WHRN: variants seen among roughly 807,000 people sequenced by gnomAD.
WHRN encodes the protein whirlin, also known as CASK-interacting protein CIP98.
WHRN carries 41 observed loss-of-function variants against 68.3 expected under a neutral mutation model. The observed-to-expected ratio is 0.60, with a 90% CI of 0.47 to 0.78. The LOEUF (loss-of-function observed/expected upper bound fraction) is 0.78. WHRN is among the 30% of genes least tolerant of loss of function. The pLI is 0.00. For synonymous variants in WHRN, 560 were observed against 561.3 expected, an observed-to-expected ratio of 1.00 and a Z score of 0.03; for missense variants, 1,243 against 1,244.7, an observed-to-expected ratio of 1.00 and a Z score of 0.02.
At chr9:114,412,097 T>C (rs1017566565) in intron 7 of WHRN, among the ~76,000 whole-genome samples, 1 of 152,088 alleles carries the variant, frequency 6.6e-6, no homozygotes, top group African/African-American at 2.4e-5. Context: ...CAGGGAGGCC[T>C]GAAGTGGAGC....
chr9:114,437,153 C>T (rs1214391036), intron 3 of WHRN, among the ~76,000 whole-genome samples: 1 of 151,992 alleles, frequency 6.6e-6, no homozygotes, highest in Non-Finnish European at 1.5e-5. Flanking sequence ...AAAGGTGGCA[C>T]TACAAATCAC....
At chr9:114,436,590 G>C (rs4436192) in intron 3 of WHRN, among the ~76,000 whole-genome samples, 28,603 of 152,046 alleles carry the variant, frequency 0.19, 3,202 homozygotes, top group Middle Eastern at 0.29. Flanking sequence ...GCACCTTGTG[G>C]GGCCGAGGTG....
At chr9:114,433,805 C>T (rs1837616772) in intron 3 of WHRN, among the ~76,000 whole-genome samples, 1 of 152,198 alleles carries the variant, frequency 6.6e-6, no homozygotes, top group South Asian at 2.1e-4. Context: ...AGAGCTCTCA[C>T]AAGGCAGAAC....
At position 114,470,126 on chromosome 9, in the gene WHRN, AG is replaced by A. The variant is rs1841082256; in HGVS notation, c.838-3735del. ...TATAAGGGTTCCACTCACAGGTTCC[AG>A]GGAGGAGGAGGTGGATACCTTCAGA... is the stretch of plus-strand genomic sequence containing the variant. On this transcript the variant is annotated intron_variant, in intron 2 of 11. Coordinates refer to ENST00000362057, the MANE Select transcript of WHRN (RefSeq NM_015404.4). Among the ~76,000 whole-genome samples, 6 of 152,314 alleles carry A rather than the reference AG, an allele frequency of 3.9e-5. No homozygotes were observed. In the South Asian group the frequency reaches 1.0e-3, roughly 26 times the overall value.
chr9:114,426,310 A>G lies in WHRN; in HGVS notation c.1067T>C (p.Val356Ala). ...LKSSRHLILT[V>A]KDVGRLPHAR... is the part of the protein sequence containing the mutation. ...ATGGGGCAGCCTCCCGACGTCCTTC[A>G]CTGTCAGGATGAGGTGCCGAGATGA... Residue 356 changes from valine (V) to alanine (A), a missense_variant, in exon 4 of 12, where the codon GTG (valine) becomes GCG (alanine). Physicochemically the swap from Val to Ala is moderately conservative, Grantham distance 64. Transcript: ENST00000362057. 1 of 1,613,878 alleles carries G rather than the reference A, an allele frequency of 6.2e-7. No homozygotes were observed. The highest frequency in any genetic ancestry group is 8.5e-7 in the Non-Finnish European group (1 of 1,180,038).
At chr9:114,424,241 C>T (rs2132372422) in intron 6 of WHRN, 93 bp downstream of exon 6, 2 of 1,456,784 alleles carry the variant, frequency 1.4e-6, no homozygotes, top group East Asian at 4.5e-5. Context: ...TCAGGCCTGA[C>T]CCCTTGTAGG....
chr9:114,458,268 A>G (rs1839972548), intron 3 of WHRN, among the ~76,000 whole-genome samples: 1 of 152,136 alleles, frequency 6.6e-6, no homozygotes, highest in Non-Finnish European at 1.5e-5. Context: ...TGATTCAACC[A>G]TCGAGTTCTT....
chr9:114,442,415 G>A (rs1053949158), intron 3 of WHRN, among the ~76,000 whole-genome samples: 2 of 152,174 alleles, frequency 1.3e-5, no homozygotes, highest in African/African-American at 4.8e-5. Context: ...AGAGGCATGA[G>A]ATAGACAACT....
chr9:114,462,954 G>A (rs906542081), intron 3 of WHRN, among the ~76,000 whole-genome samples: 18 of 152,160 alleles, frequency 1.2e-4, no homozygotes, highest in African/African-American at 4.3e-4. Flanking sequence ...AGTGCTCGCA[G>A]GCCAAGACCT....
intron 1 of WHRN, among the ~76,000 whole-genome samples, chr9:114,493,686 AG>A (rs1843197030): frequency 6.6e-6 from 1 of 152,264 alleles, no homozygotes; most frequent in Non-Finnish European, 1.5e-5. Flanking sequence ...ACAAAGGTCA[AG>A]GCATGGTGAG....
intron 7 of WHRN, among the ~76,000 whole-genome samples, chr9:114,412,992 T>G (rs1287589086): frequency 6.6e-6 from 1 of 152,218 alleles, no homozygotes. Flanking sequence ...TTCCAGCTCT[T>G]TGTTCGTTGG....
intron 1 of WHRN, among the ~76,000 whole-genome samples, chr9:114,481,096 A>T (rs1842061849): frequency 6.6e-6 from 1 of 152,178 alleles, no homozygotes; most frequent in African/African-American, 2.4e-5. Flanking sequence ...CAATTTGCAC[A>T]TACAGCTCTA....
chr9:114,497,552 G>A (rs1398535745), intron 1 of WHRN, among the ~76,000 whole-genome samples: 2 of 150,846 alleles, frequency 1.3e-5, no homozygotes, highest in African/African-American at 4.9e-5. Context: ...AAAGAAAGAA[G>A]CCCAAAAGCC....
intron 1 of WHRN, among the ~76,000 whole-genome samples, chr9:114,482,996 G>A (rs1842209548): frequency 1.3e-5 from 2 of 152,196 alleles, no homozygotes; most frequent in African/African-American, 2.4e-5. Context: ...GACGCAGGAG[G>A]CCAGCCCTGG....
intron 3 of WHRN, among the ~76,000 whole-genome samples, chr9:114,460,773 A>G (rs1316210041): frequency 6.6e-6 from 1 of 152,250 alleles, no homozygotes; most frequent in Admixed American, 6.5e-5. Context: ...AGCAGCTGGA[A>G]GCAAAGCAAA....
At chr9:114,484,375 A>G (rs1161761755) in intron 1 of WHRN, among the ~76,000 whole-genome samples, 1 of 152,182 alleles carries the variant, frequency 6.6e-6, no homozygotes, top group Non-Finnish European at 1.5e-5. Context: ...AATCAATGGC[A>G]TATTAGCTGT....
At chr9:114,460,705 C>T (rs763641901) in intron 3 of WHRN, among the ~76,000 whole-genome samples, 3 of 152,176 alleles carry the variant, frequency 2.0e-5, no homozygotes, top group Non-Finnish European at 4.4e-5. Flanking sequence ...AGGGCAGTGC[C>T]GTCCTGACAT....
At chr9:114,467,675 A>G (rs1190114007) in intron 2 of WHRN, among the ~76,000 whole-genome samples, 3 of 152,158 alleles carry the variant, frequency 2.0e-5, no homozygotes, top group Non-Finnish European at 4.4e-5. Flanking sequence ...GGCTGCGGGC[A>G]GATTCTAGAA....
In WHRN at chr9:114,489,500, ACACG is replaced by A. The variant is rs1564222840; in HGVS notation, c.619-10733_619-10730del. Among the ~76,000 whole-genome samples the A allele has an allele frequency of 7.3e-3, 857 of 117,964 alleles. 11 individuals carry two copies. The highest frequency in any genetic ancestry group is 0.026 in the African/African-American group (814 of 31,864). 77.4% of individuals were successfully genotyped at this position (117,964 alleles called of 152,430 possible). A position where few individuals can be genotyped will look rare whatever the true frequency, so the allele number is the denominator to read the frequency against. On this transcript the variant is annotated intron_variant, in intron 1 of 11. Coordinates refer to ENST00000362057, the MANE Select transcript of WHRN (RefSeq NM_015404.4). ...CACACGCACACACACGTACACACAC[ACACG>A]CACACACGCGTGCACACACACACAC...
Sources: gnomAD v4.1 joint callset for allele counts (sites outside exome capture counted in the v4.1 genomes callset) on GRCh38, gnomAD v4.1.1 for gene constraint, MANE v1.5 for transcripts, NCBI Gene and HGNC (gene_info 2026-07-23, HGNC 2026-07-21) for gene names.